The following C1orf141 variants were observed in gnomAD, a reference collection of about 807,000 sequenced individuals.
The protein encoded by C1orf141 is chromosome 1 open reading frame 141, also known as uncharacterized protein C1orf141.
A neutral mutation model predicts 23.2 loss-of-function variants in C1orf141; 19 were observed. That is an observed-to-expected ratio of 0.82 (90% CI 0.57 to 1.20). The LOEUF (loss-of-function observed/expected upper bound fraction) is 1.20, where lower values mean the gene tolerates loss of function less well. Among genes scored for constraint, C1orf141 ranks in the 50% most tolerant of loss-of-function variants. The pLI, the probability that C1orf141 is intolerant of heterozygous loss-of-function variation, is 0.00. For missense variants in C1orf141, 469 were observed against 455.1 expected (o/e 1.03, Z -0.28); for synonymous variants, 153 against 154.6 (o/e 0.99, Z 0.08).
At position 67,115,605 on chromosome 1, in the gene C1orf141, A is replaced by T. The variant is rs1225264011; in HGVS notation, c.234-141T>A. 4 of 499,922 alleles carry T rather than the reference A, an allele frequency of 8.0e-6. No homozygotes were observed. The Admixed American group carries it at 1.6e-4, about 20-fold the overall frequency. The allele number at this position is 499,922 out of a possible 1,614,324, so 31.0% of individuals were successfully genotyped here. ...TAATGTTGTCACAGTACCAAGTGTG[A>T]AACATTGGACTGATTAAATAGGAGC... On this transcript the variant is annotated intron_variant, in intron 4 of 7. Coordinates refer to ENST00000684719, the MANE Select transcript of C1orf141 (RefSeq NM_001276351.2).
At chr1:67,132,988 C>T (rs190331500) in intron 1 of C1orf141, among the ~76,000 whole-genome samples, 19 of 152,332 alleles carry the variant, frequency 1.2e-4, no homozygotes, top group African/African-American at 4.1e-4. Flanking sequence ...GAATCATCTA[C>T]AGGCCTCACT....
chr1:67,134,528 C>T (rs906507888), intron 1 of C1orf141, among the ~76,000 whole-genome samples: 3 of 152,208 alleles, frequency 2.0e-5, no homozygotes, highest in African/African-American at 7.2e-5. Flanking sequence ...GCCCCCAGAG[C>T]CTCTCGCATC....
chr1:67,093,165 T>A lies in C1orf141; in HGVS notation c.1043A>T (p.Glu348Val). 6.2e-7 allele frequency: 1 copy of A among 1,613,970 alleles called. No homozygotes were observed. The highest frequency in any genetic ancestry group is 8.5e-7 in the Non-Finnish European group (1 of 1,179,896). ...HEMSAQTGKF[E>V]RMFSAGKPTS... ...TGGTTTTCCTGCAGAAAACATTCTT[T>A]CAAATTTTCCAGTTTGGGCACTCAT... is the stretch of plus-strand genomic sequence containing the variant. Residue 348 changes from glutamate (E) to valine (V), a missense_variant, in exon 8 of 8, where the codon GAA becomes GTA. Physicochemically the swap from Glu to Val is moderately radical, Grantham distance 121 (BLOSUM62 -2). Transcript: ENST00000684719.
intron 4 of C1orf141, among the ~76,000 whole-genome samples, chr1:67,124,787 C>T (rs376683758): frequency 8.5e-5 from 13 of 152,262 alleles, no homozygotes; most frequent in African/African-American, 3.1e-4. Flanking sequence ...ATTACTATAC[C>T]CTATTCAATA....
chr1:67,129,832 A>C (rs1438143190), intron 2 of C1orf141, among the ~76,000 whole-genome samples: 1 of 152,110 alleles, frequency 6.6e-6, no homozygotes, highest in Non-Finnish European at 1.5e-5. Context: ...GTGCCTCAAA[A>C]CCTCACTAGT....
intron 5 of C1orf141, among the ~76,000 whole-genome samples, chr1:67,110,202 A>T (rs1490619752): frequency 6.6e-6 from 1 of 152,170 alleles, no homozygotes; most frequent in African/African-American, 2.4e-5. Context: ...AGTGTGGAAG[A>T]TAGTTGGAAG....
At chr1:67,108,390 C>T (rs1402555933) in intron 5 of C1orf141, among the ~76,000 whole-genome samples, 1 of 152,138 alleles carries the variant, frequency 6.6e-6, no homozygotes, top group Non-Finnish European at 1.5e-5. Context: ...GCCCCATGAC[C>T]TAATCACCTC....
chr1:67,124,395 C>T (rs908662992), intron 4 of C1orf141, among the ~76,000 whole-genome samples: 1 of 152,172 alleles, frequency 6.6e-6, no homozygotes, highest in South Asian at 2.1e-4. Context: ...TCACAGCAAC[C>T]TCTGCCTCCC....
chr1:67,129,945 T>C (rs1646487245), intron 2 of C1orf141, among the ~76,000 whole-genome samples: 1 of 152,220 alleles, frequency 6.6e-6, no homozygotes, highest in African/African-American at 2.4e-5. Context: ...CTAATTGCAA[T>C]TATTTCCTCC....
chr1:67,134,746 G>C (rs1461007431), intron 1 of C1orf141, among the ~76,000 whole-genome samples, 184 bp downstream of exon 1: 1 of 152,178 alleles, frequency 6.6e-6, no homozygotes, highest in Non-Finnish European at 1.5e-5. Context: ...GCCTCTCGCC[G>C]CGGTCCCACA....
intron 6 of C1orf141, 155 bp from the exon 7 acceptor site, chr1:67,095,576 C>A: frequency 1.9e-6 from 1 of 534,722 alleles, no homozygotes; most frequent in Non-Finnish European, 3.3e-6. Context: ...CCCGTCCTGC[C>A]TGGTTTGTGG....
At position 67,125,928 on chromosome 1, in the gene C1orf141, G is replaced by GAAAAA. The variant is rs11336462; in HGVS notation, c.76-24_76-20dup. The stretch of plus-strand genomic sequence containing the variant: ...TGTTTATCTGCAGCAATGCCAAAGT[G>GAAAAA]AAAAAAAAAAAAAAAAAAAGAGTAC... On this transcript the variant is annotated intron_variant, in intron 3 of 7. Transcript: ENST00000684719. 5.6e-5 allele frequency: 66 copies of GAAAAA among 1,183,552 alleles called. No individual in the cohort carries two copies. The highest frequency in any genetic ancestry group is 2.3e-4 in the Middle Eastern group (1 of 4,314). The allele number at this position is 1,183,552 out of a possible 1,614,324, so 73.3% of individuals were successfully genotyped here.
chr1:67,139,676 C>A (rs1646617004), upstream of C1orf141, among the ~76,000 whole-genome samples: 1 of 152,164 alleles, frequency 6.6e-6, no homozygotes, highest in African/African-American at 2.4e-5. Flanking sequence ...ACTTTAATCT[C>A]CAGTGTGGCA....
chr1:67,113,580 G>A, intron 5 of C1orf141: 1 of 419,936 alleles, frequency 2.4e-6, no homozygotes, highest in Non-Finnish European at 3.9e-6. Flanking sequence ...GGTCAGGCTG[G>A]CCTCAAACTC....
At chr1:67,125,508 G>A (rs1646388477) in intron 4 of C1orf141, among the ~76,000 whole-genome samples, 1 of 151,956 alleles carries the variant, frequency 6.6e-6, no homozygotes, top group Non-Finnish European at 1.5e-5. Flanking sequence ...GACCAGCCTG[G>A]GCAGCATGGG....
chr1:67,120,202 A>C (rs962643907), intron 4 of C1orf141, among the ~76,000 whole-genome samples: 1 of 152,212 alleles, frequency 6.6e-6, no homozygotes, highest in African/African-American at 2.4e-5. Flanking sequence ...TGGAATGAGA[A>C]TGTCTATCCT....
chr1:67,125,800 A>T lies in C1orf141; in HGVS notation c.185T>A (p.Ile62Lys), dbSNP rs1260539474. Reference sequence around the variant, plus strand: ...TGACTTGTCTTCTTTGATCTTTGATATTGCCTTAGACGCGGATGTAGCAAG... The same window carrying T: ...TGACTTGTCTTCTTTGATCTTTGATTTTGCCTTAGACGCGGATGTAGCAAG... Reference protein sequence around the residue: ...EALATSASKAISKIKEDKSCS... With the variant: ...EALATSASKAKSKIKEDKSCS... The change falls in exon 4 of 8, where the codon ATA becomes AAA. Residue 62 changes from isoleucine (I) to lysine (K), a missense_variant. Coordinates refer to ENST00000684719, the MANE Select transcript of C1orf141 (RefSeq NM_001276351.2). 1.2e-6 allele frequency: 2 copies of T among 1,613,986 alleles called. No homozygotes were observed. Among genetic ancestry groups the T allele is most frequent in the East Asian group, 4.5e-5 (2 of 44,882 alleles).
At position 67,093,315 on chromosome 1, in the gene C1orf141, T is replaced by G. The variant is rs1195619514; in HGVS notation, c.893A>C (p.Lys298Thr). 1.9e-6 allele frequency: 3 copies of G among 1,613,638 alleles called. No individual in the cohort carries two copies. Among genetic ancestry groups the G allele is most frequent in the Non-Finnish European group, 2.5e-6 (3 of 1,179,676 alleles). The change falls in exon 8 of 8, where the codon AAG (lysine) becomes ACG (threonine). Residue 298 changes from lysine to threonine, a missense_variant. Transcript: ENST00000684719. ...TAGTGTCTGCTTATTAGTTTTCTTC[T>G]TTAGTTTATCATCTACAGTTGTGTG... The part of the protein sequence containing the change: ...AGHTTVDDKL[K>T]KKTNKQTLEN...
intron 4 of C1orf141, among the ~76,000 whole-genome samples, chr1:67,115,728 C>A (rs1480153415): frequency 6.6e-6 from 1 of 152,144 alleles, no homozygotes; most frequent in Non-Finnish European, 1.5e-5. Context: ...TATTCACAAG[C>A]TGATTAACCC....
Sources: gnomAD v4.1 joint callset for allele counts (sites outside exome capture counted in the v4.1 genomes callset) on GRCh38, gnomAD v4.1.1 for gene constraint, MANE v1.5 for transcripts, NCBI Gene and HGNC (gene_info 2026-07-23, HGNC 2026-07-21) for gene names.